The following LHFPL3 variants were observed in gnomAD, a reference collection of about 807,000 sequenced individuals.
The protein encoded by LHFPL3 is LHFPL tetraspan subfamily member 3.
Under a neutral mutation model 19.3 loss-of-function variants are expected in LHFPL3, and 5 were observed. The ratio of observed to expected loss-of-function variants is 0.26; its 90% CI spans 0.14 to 0.54. LHFPL3 has a LOEUF of 0.54. Ranked by LOEUF, LHFPL3 falls within the 20% of genes least tolerant of loss-of-function variation. The pLI, the probability that LHFPL3 is intolerant of heterozygous loss-of-function variation, is 0.94. For synonymous variants in LHFPL3, 133 were observed against 126.2 expected, an observed-to-expected ratio of 1.05 and a Z score of -0.36; for missense variants, 249 against 307.4, an observed-to-expected ratio of 0.81 and a Z score of 1.42.
intron 1 of LHFPL3, among the ~76,000 whole-genome samples, chr7:104,420,358 G>C (rs1410541236): frequency 6.6e-6 from 1 of 152,162 alleles, no homozygotes; most frequent in Admixed American, 6.5e-5. Flanking sequence ...ACTGTCCACT[G>C]CTTTATATTT....
intron 2 of LHFPL3, chr7:104,803,886 A>G (rs1355995362): frequency 1.3e-5 from 2 of 152,244 alleles, no homozygotes; most frequent in South Asian, 4.1e-4. Context: ...CCAATAATCA[A>G]ATATTCTTCA....
intron 1 of LHFPL3, among the ~76,000 whole-genome samples, chr7:104,696,640 C>T (rs1030577220): frequency 2.0e-5 from 3 of 151,996 alleles, no homozygotes; most frequent in Admixed American, 6.6e-5. Context: ...AAGAAGAGAA[C>T]CAATCCCAGC....
intron 1 of LHFPL3, among the ~76,000 whole-genome samples, chr7:104,649,494 C>T (rs191467586): frequency 6.6e-6 from 1 of 152,194 alleles, no homozygotes; most frequent in Admixed American, 6.5e-5. Context: ...CAAAGGACAG[C>T]ACCTGTCCCA....
rs1460971912 is a variant in LHFPL3, at chr7:104,756,556, G to C, written c.682+19645G>C. On this transcript the variant is annotated intron_variant, in intron 2 of 2. Coordinates refer to ENST00000424859, the MANE Select transcript of LHFPL3 (RefSeq NM_199000.3). ...ACTCTGTCACTCAGGCTGAAGTGCA[G>C]TGGTGCCCTCTCAGCTCACTGCAAC... Among the ~76,000 whole-genome samples the C allele has an allele frequency of 2.0e-5, 3 of 152,258 alleles. No homozygotes were observed. The South Asian group carries it at 6.2e-4, about 32-fold the overall frequency.
chr7:104,329,229 G>C lies in LHFPL3; in HGVS notation c.445+5G>C. ...CCTGGATGCAGCTCACCTCCGGTGA[G>C]TGCGCGCTCACCTCCGCGGAGGCGG... On this transcript the variant is annotated splice_donor_5th_base_variant and intron_variant, in intron 1 of 2. Coordinates refer to ENST00000424859, the MANE Select transcript of LHFPL3 (RefSeq NM_199000.3). 1 of 1,592,814 alleles carries C rather than the reference G, an allele frequency of 6.3e-7. No individual in the cohort carries two copies. Among genetic ancestry groups the C allele is most frequent in the Non-Finnish European group, 8.6e-7 (1 of 1,166,302 alleles).
chr7:104,400,898 CT>C (rs1226571065), intron 1 of LHFPL3, among the ~76,000 whole-genome samples: 1 of 152,202 alleles, frequency 6.6e-6, no homozygotes, highest in Non-Finnish European at 1.5e-5. Flanking sequence ...CAGCCACCAT[CT>C]GTACAGGTTT....
intron 2 of LHFPL3, among the ~76,000 whole-genome samples, chr7:104,775,426 T>C (rs1042237901): frequency 1.3e-5 from 2 of 152,202 alleles, no homozygotes; most frequent in Admixed American, 1.3e-4. Context: ...CAGCTACTAA[T>C]TTTTAAAGTC....
At chr7:104,404,683 C>G (rs1791381036) in intron 1 of LHFPL3, among the ~76,000 whole-genome samples, 1 of 152,130 alleles carries the variant, frequency 6.6e-6, no homozygotes, top group South Asian at 2.1e-4. Context: ...TAGGAAGGAG[C>G]CCTTTTAGGA....
chr7:104,391,016 C>A (rs1484671858), intron 1 of LHFPL3, among the ~76,000 whole-genome samples: 6 of 152,152 alleles, frequency 3.9e-5, no homozygotes, highest in Admixed American at 2.6e-4. Context: ...CCTTCGCCTA[C>A]TTTTTGATGG....
At chr7:104,565,507 G>A (rs970149311) in intron 1 of LHFPL3, among the ~76,000 whole-genome samples, 1 of 152,188 alleles carries the variant, frequency 6.6e-6, no homozygotes, top group African/African-American at 2.4e-5. Flanking sequence ...TGTGTTAAGA[G>A]AGAAGAGAAG....
chr7:104,669,243 G>A, intron 1 of LHFPL3: 4 of 1,614,018 alleles, frequency 2.5e-6, no homozygotes, highest in Non-Finnish European at 2.5e-6. Flanking sequence ...CAGACACAGA[G>A]CAGCAATCCC....
intron 1 of LHFPL3, among the ~76,000 whole-genome samples, chr7:104,478,174 C>CTT (rs533836486): frequency 6.6e-6 from 1 of 151,834 alleles, no homozygotes; most frequent in Non-Finnish European, 1.5e-5. Context: ...TCAAAAAAGA[C>CTT]TTTTTTTTAT....
chr7:104,695,047 C>G (rs936490273), intron 1 of LHFPL3, among the ~76,000 whole-genome samples: 1 of 152,220 alleles, frequency 6.6e-6, no homozygotes, highest in Non-Finnish European at 1.5e-5. Context: ...TATCTGCTGT[C>G]TCTTTTTGCT....
chr7:104,475,764 AG>A (rs1273293728), intron 1 of LHFPL3, among the ~76,000 whole-genome samples: 1 of 152,226 alleles, frequency 6.6e-6, no homozygotes, highest in African/African-American at 2.4e-5. Flanking sequence ...CAAATGCAGT[AG>A]TAACAAATTT....
At chr7:104,416,694 C>T (rs1043554381) in intron 1 of LHFPL3, among the ~76,000 whole-genome samples, 2 of 152,188 alleles carry the variant, frequency 1.3e-5, no homozygotes, top group Non-Finnish European at 2.9e-5. Flanking sequence ...GACATATGTT[C>T]AACACAATAG....
At chr7:104,426,931 G>A (rs998663722) in intron 1 of LHFPL3, among the ~76,000 whole-genome samples, 7 of 151,888 alleles carry the variant, frequency 4.6e-5, no homozygotes, top group East Asian at 1.9e-4. Context: ...ACTGCCACCC[G>A]CCCAACCCCC....
At chr7:104,453,811 C>T (rs1792490293) in intron 1 of LHFPL3, among the ~76,000 whole-genome samples, 2 of 151,888 alleles carry the variant, frequency 1.3e-5, no homozygotes, top group Admixed American at 1.3e-4. Flanking sequence ...CGCTGCCTCC[C>T]CCCTGCCCCA....
chr7:104,370,882 C>CA (rs983700979), intron 1 of LHFPL3, among the ~76,000 whole-genome samples: 1 of 151,974 alleles, frequency 6.6e-6, no homozygotes, highest in African/African-American at 2.4e-5. Flanking sequence ...AACTCCATCT[C>CA]AAAAAAAGAT....
chr7:104,382,572 A>C (rs1450998498), intron 1 of LHFPL3, among the ~76,000 whole-genome samples: 1 of 152,122 alleles, frequency 6.6e-6, no homozygotes, highest in Non-Finnish European at 1.5e-5. Flanking sequence ...TGCTGGATTT[A>C]ATTGTTCTAG....
Sources: allele counts gnomAD v4.1 joint callset (sites outside exome capture counted in the v4.1 genomes callset), GRCh38; gene constraint gnomAD v4.1.1; transcripts MANE v1.5; gene names NCBI Gene and HGNC (gene_info 2026-07-23, HGNC 2026-07-21).